Variants in WAC observed in about 807,000 individuals in gnomAD.
WAC encodes the protein WW domain-containing adapter protein with coiled-coil.
WAC carries 11 observed loss-of-function variants against 79.6 expected under a neutral mutation model. That is an observed-to-expected ratio of 0.14 (90% confidence interval 0.09 to 0.23). The LOEUF (loss-of-function observed/expected upper bound fraction) is 0.23. Ranked by LOEUF, WAC falls within the 10% of genes least tolerant of loss-of-function variation. WAC has a pLI of 1.00. For synonymous variants in WAC, 304 were observed against 276.9 expected, an observed-to-expected ratio of 1.10 and a Z score of -0.97; for missense variants, 728 against 773.5, an observed-to-expected ratio of 0.94 and a Z score of 0.70.
At chr10:28,540,445 A>C (rs1260012395) in intron 3 of WAC, among the ~76,000 whole-genome samples, 1 of 152,220 alleles carries the variant, frequency 6.6e-6, no homozygotes, top group East Asian at 1.9e-4. Flanking sequence ...CAGTGGTTAC[A>C]ACTTGCCAAA....
intron 3 of WAC, among the ~76,000 whole-genome samples, chr10:28,564,064 C>T (rs2132505447): frequency 6.6e-6 from 1 of 151,950 alleles, no homozygotes; most frequent in South Asian, 2.1e-4. Flanking sequence ...ATCCCTTGAG[C>T]TCAGTTTGAG....
intron 3 of WAC, among the ~76,000 whole-genome samples, chr10:28,578,583 C>T (rs1324763481): frequency 6.6e-6 from 1 of 152,114 alleles, no homozygotes; most frequent in Admixed American, 6.6e-5. Context: ...TCTGCTTTCC[C>T]TACTCCTAAT....
chr10:28,554,084 T>C (rs1486549398), intron 3 of WAC, among the ~76,000 whole-genome samples: 1 of 152,146 alleles, frequency 6.6e-6, no homozygotes, highest in Non-Finnish European at 1.5e-5. Flanking sequence ...GTCAGGCTGG[T>C]CTCGAACTCC....
chr10:28,613,780 G>A (rs1437358385), intron 10 of WAC, among the ~76,000 whole-genome samples: 1 of 152,114 alleles, frequency 6.6e-6, no homozygotes, highest in Non-Finnish European at 1.5e-5. Context: ...ATCTGCCTTT[G>A]TGCCTCAATT....
At chr10:28,598,158 C>T (rs563852116) in intron 7 of WAC, among the ~76,000 whole-genome samples, 14 of 152,276 alleles carry the variant, frequency 9.2e-5, no homozygotes, top group Non-Finnish European at 1.3e-4. Context: ...TGAATTGTGT[C>T]GGCTCCTTGC....
chr10:28,585,674 T>C (rs1201724562), intron 4 of WAC, among the ~76,000 whole-genome samples: 1 of 152,118 alleles, frequency 6.6e-6, no homozygotes, highest in Non-Finnish European at 1.5e-5. Flanking sequence ...GAAAACAGTC[T>C]ATTACTTTAC....
rs568488085 is a variant in WAC at position 28,578,967 on chromosome 10, G to T, written c.275-4432G>T. ...TTTGCTCACCATTTAAGTTCTTAAA[G>T]TTGCAAGCTTAAGTATAGAGCCCCT... is the stretch of plus-strand genomic sequence containing the variant. On this transcript the variant is annotated intron_variant, in intron 3 of 13. Coordinates refer to ENST00000354911, the MANE Select transcript of WAC (RefSeq NM_016628.5). Among the ~76,000 whole-genome samples the T allele has an allele frequency of 2.0e-5, 3 of 152,226 alleles. No individual in the cohort carries two copies. In the East Asian group the frequency reaches 5.8e-4, roughly 29 times the overall value.
chr10:28,563,744 C>CT (rs71281550), intron 3 of WAC, among the ~76,000 whole-genome samples: 1,595 of 67,712 alleles, frequency 0.024, 103 homozygotes, highest in East Asian at 0.068. Flanking sequence ...CTACACCCAG[C>CT]TTTTTTTTTT....
chr10:28,561,495 A>T (rs1397748132), intron 3 of WAC, among the ~76,000 whole-genome samples: 1 of 141,818 alleles, frequency 7.1e-6, no homozygotes, highest in Non-Finnish European at 1.6e-5. Context: ...TCACTTTTAA[A>T]TGTTTTTTTT....
intron 6 of WAC, among the ~76,000 whole-genome samples, chr10:28,593,596 CG>C (rs1840206947): frequency 6.6e-6 from 1 of 151,692 alleles, no homozygotes. Flanking sequence ...GGTGAAACCC[CG>C]TCTCTACTAA....
At chr10:28,599,400 GTAAA>G (rs1840530162) in intron 7 of WAC, among the ~76,000 whole-genome samples, 1 of 152,138 alleles carries the variant, frequency 6.6e-6, no homozygotes, top group Non-Finnish European at 1.5e-5. Flanking sequence ...TAGGCAGTGT[GTAAA>G]TATTTGTTGT....
intron 3 of WAC, among the ~76,000 whole-genome samples, chr10:28,561,692 C>A (rs1291158158): frequency 6.6e-6 from 1 of 152,098 alleles, no homozygotes; most frequent in Non-Finnish European, 1.5e-5. Context: ...CTTTCTGTGG[C>A]CTGTTAGCAA....
rs533173909 is a variant in WAC, at chr10:28,533,779, A to C, written c.41+159A>C. ...GCGGCCGCGCGGGCGGGCGGGCGGG[A>C]ACGCAGTGTGGCGGGGAGCGGGGGC... On this transcript the variant is annotated intron_variant, in intron 1 of 13. Transcript: ENST00000354911. 12 of 979,212 alleles carry C rather than the reference A, an allele frequency of 1.2e-5. No homozygotes were observed. The Admixed American group carries it at 1.3e-4, about 11-fold the overall frequency. 60.7% of individuals were successfully genotyped at this position (979,212 alleles called of 1,614,324 possible).
intron 10 of WAC, among the ~76,000 whole-genome samples, chr10:28,612,134 G>A (rs1841270001): frequency 6.6e-6 from 1 of 152,160 alleles, no homozygotes; most frequent in African/African-American, 2.4e-5. Flanking sequence ...TAAACCATCT[G>A]AGTCTGTTCC....
intron 3 of WAC, among the ~76,000 whole-genome samples, chr10:28,561,941 A>G (rs1838320908): frequency 1.3e-5 from 2 of 152,162 alleles, no homozygotes; most frequent in Non-Finnish European, 1.5e-5. Flanking sequence ...CTCTACCCTC[A>G]TTGAATTGGA....
chr10:28,558,438 A>G (rs564063057), intron 3 of WAC, among the ~76,000 whole-genome samples: 32 of 152,308 alleles, frequency 2.1e-4, no homozygotes, highest in African/African-American at 7.2e-4. Flanking sequence ...GGGAAGTTCA[A>G]GACATTGTAA....
intron 3 of WAC, among the ~76,000 whole-genome samples, chr10:28,547,915 C>CTTT (rs11408560): frequency 1.2e-4 from 16 of 132,308 alleles, no homozygotes; most frequent in Admixed American, 1.6e-4. Flanking sequence ...TTCTCTTTTT[C>CTTT]TTTTTTTTTT....
At chr10:28,599,391 A>G (rs1840529772) in intron 7 of WAC, among the ~76,000 whole-genome samples, 1 of 152,170 alleles carries the variant, frequency 6.6e-6, no homozygotes, top group Non-Finnish European at 1.5e-5. Context: ...GACAGATAAT[A>G]GGCAGTGTGT....
intron 3 of WAC, among the ~76,000 whole-genome samples, 176 bp from the exon 4 acceptor site, chr10:28,583,223 G>A (rs1370878828): frequency 6.6e-6 from 1 of 151,960 alleles, no homozygotes; most frequent in Non-Finnish European, 1.5e-5. Flanking sequence ...CACATCTTTA[G>A]TAGGTTCACA....
Sources: gnomAD v4.1 joint callset for allele counts (sites outside exome capture counted in the v4.1 genomes callset) on GRCh38, gnomAD v4.1.1 for gene constraint, MANE v1.5 for transcripts, NCBI Gene and HGNC (gene_info 2026-07-23, HGNC 2026-07-21) for gene names.